Variants in NCOA1 observed in about 807,000 individuals in gnomAD.
NCOA1 encodes nuclear receptor coactivator 1.
A neutral mutation model predicts 150.9 loss-of-function variants in NCOA1; 35 were observed. The observed-to-expected ratio is 0.23, with a 90% CI of 0.18 to 0.31. The LOEUF (loss-of-function observed/expected upper bound fraction) is 0.31. NCOA1 is among the 10% of genes least tolerant of loss of function. The pLI is 1.00. For missense variants in NCOA1, 1,491 were observed against 1,749.3 expected (o/e 0.85, Z 2.63); for synonymous variants, 590 against 630.0 (o/e 0.94, Z 0.95).
At chr2:24,504,543 G>A (rs1322870465) in intron 1 of NCOA1, among the ~76,000 whole-genome samples, 1 of 152,160 alleles carries the variant, frequency 6.6e-6, no homozygotes, top group Non-Finnish European at 1.5e-5. Flanking sequence ...AGTTATTGAA[G>A]AAAAGAAGAA....
chr2:24,705,179 A>G lies in NCOA1; in HGVS notation c.1043A>G (p.Tyr348Cys). Reference sequence around the variant, plus strand: ...GCCCACACCAAGTGTAAACTTTGCTACCCTCAAAGTCCAGACATGCAACCT... The same window carrying G: ...GCCCACACCAAGTGTAAACTTTGCTGCCCTCAAAGTCCAGACATGCAACCT... ...LSAHTKCKLC[Y>C]PQSPDMQPFI... Residue 348 changes from tyrosine to cysteine, a missense_variant, in exon 12 of 23, where the codon TAC becomes TGC. Physicochemically the swap from Tyr to Cys is radical, Grantham distance 194. Coordinates refer to ENST00000348332, the MANE Select transcript of NCOA1 (RefSeq NM_003743.5). The G allele has an allele frequency of 1.2e-6, 2 of 1,613,872 alleles. No homozygotes were observed. Among genetic ancestry groups the G allele is most frequent in the South Asian group, 1.1e-5 (1 of 91,084 alleles).
chr2:24,561,932 ATACCT>A (rs1189242120), intron 1 of NCOA1, among the ~76,000 whole-genome samples: 1 of 152,212 alleles, frequency 6.6e-6, no homozygotes, highest in Non-Finnish European at 1.5e-5. Flanking sequence ...GATGATGAGA[ATACCT>A]TAATGTTGCT....
At chr2:24,521,736 A>G (rs1280608443) in intron 1 of NCOA1, among the ~76,000 whole-genome samples, 2 of 152,110 alleles carry the variant, frequency 1.3e-5, no homozygotes, top group Non-Finnish European at 2.9e-5. Context: ...ATTTCCTCTG[A>G]TGTATACCCA....
At chr2:24,546,226 C>T (rs1057363771) in intron 1 of NCOA1, among the ~76,000 whole-genome samples, 8 of 151,172 alleles carry the variant, frequency 5.3e-5, no homozygotes, top group Admixed American at 5.3e-4. Flanking sequence ...AAAAAGCTCA[C>T]TTAATGCAAA....
rs934905159 is a variant in NCOA1 at position 24,769,676 on chromosome 2, T to G, written c.*1285T>G. 9.3e-6 allele frequency: 2 copies of G among 215,774 alleles called. No homozygotes were observed. The highest frequency in any genetic ancestry group is 1.9e-5 in the Non-Finnish European group (2 of 106,814). The allele number at this position is 215,774 out of a possible 1,614,324, so 13.4% of individuals were successfully genotyped here. On this transcript the variant is annotated 3_prime_UTR_variant, in exon 23 of 23. Transcript: ENST00000348332. Reference sequence around the variant, plus strand: ...TTCTCTATCCTGCTCTGAGGCTAATTGGTACCATATTTTCCCTTTGTGTCT... The same window carrying G: ...TTCTCTATCCTGCTCTGAGGCTAATGGGTACCATATTTTCCCTTTGTGTCT...
intron 14 of NCOA1, among the ~76,000 whole-genome samples, chr2:24,723,273 A>G (rs912334201): frequency 5.3e-5 from 8 of 152,160 alleles, no homozygotes; most frequent in Non-Finnish European, 8.8e-5. Flanking sequence ...GTCATTCTGT[A>G]TCAGTGCATA....
intron 4 of NCOA1, among the ~76,000 whole-genome samples, chr2:24,653,846 T>C (rs1284064002): frequency 6.6e-6 from 1 of 152,184 alleles, no homozygotes; most frequent in African/African-American, 2.4e-5. Flanking sequence ...TAGCCAACTC[T>C]TTTCTTTTGA....
chr2:24,649,059 G>T (rs1670601974), intron 4 of NCOA1, among the ~76,000 whole-genome samples: 1 of 151,860 alleles, frequency 6.6e-6, no homozygotes, highest in Non-Finnish European at 1.5e-5. Flanking sequence ...GTAAAAAGAG[G>T]CAGACATTTA....
intron 1 of NCOA1, among the ~76,000 whole-genome samples, chr2:24,497,516 A>G (rs1371471302): frequency 6.6e-6 from 1 of 152,146 alleles, no homozygotes; most frequent in Non-Finnish European, 1.5e-5. Flanking sequence ...TACTAAAAAT[A>G]CAAAAAATAG....
chr2:24,529,722 T>G (rs1042288752), intron 1 of NCOA1, among the ~76,000 whole-genome samples: 5 of 152,190 alleles, frequency 3.3e-5, no homozygotes, highest in Non-Finnish European at 7.4e-5. Context: ...TCCATAAGAA[T>G]ATTTGAGAGA....
intron 1 of NCOA1, among the ~76,000 whole-genome samples, chr2:24,553,721 A>G (rs1665961122): frequency 6.6e-6 from 1 of 152,194 alleles, no homozygotes; most frequent in Non-Finnish European, 1.5e-5. Context: ...TATGTTCATC[A>G]AAGTATGATG....
At chr2:24,516,984 G>GTATATATACGTGTATATATACA (rs1558758676) in intron 1 of NCOA1, among the ~76,000 whole-genome samples, 1 of 48,536 alleles carries the variant, frequency 2.1e-5, no homozygotes, top group African/African-American at 4.3e-5. Flanking sequence ...ACACATATAC[G>GTATATATACGTGTATATATACA]TATATATATA....
intron 2 of NCOA1, among the ~76,000 whole-genome samples, chr2:24,576,376 G>T (rs1425334057): frequency 2.0e-5 from 3 of 151,830 alleles, no homozygotes; most frequent in Non-Finnish European, 4.4e-5. Context: ...CAATCTTTGT[G>T]ACCTCAACTC....
intron 1 of NCOA1, among the ~76,000 whole-genome samples, chr2:24,526,595 T>C (rs1454725176): frequency 6.6e-6 from 1 of 152,196 alleles, no homozygotes; most frequent in Non-Finnish European, 1.5e-5. Context: ...TTCATACTGT[T>C]CTTCATTCTT....
At chr2:24,764,668 G>T (rs887670794) in intron 22 of NCOA1, among the ~76,000 whole-genome samples, 3 of 152,236 alleles carry the variant, frequency 2.0e-5, no homozygotes, top group African/African-American at 7.2e-5. Flanking sequence ...TGGTAAAGTG[G>T]CTTGGGGCAA....
chr2:24,576,163 GTTTTTTGTTTTTT>G (rs1666963846), intron 2 of NCOA1, among the ~76,000 whole-genome samples: 21 of 92,710 alleles, frequency 2.3e-4, no homozygotes, highest in African/African-American at 7.8e-4. Context: ...TTTTTTTTTT[GTTTTTTGTTTTTT>G]TTTTTTTTTT....
At chr2:24,709,480 G>A (rs1206759672) in intron 13 of NCOA1, among the ~76,000 whole-genome samples, 2 of 152,106 alleles carry the variant, frequency 1.3e-5, no homozygotes, top group African/African-American at 4.8e-5. Context: ...AAATTGCCTA[G>A]TCTAGTCTCG....
chr2:24,520,917 T>TCTTTAGCCAAAGTAGCAA, intron 1 of NCOA1, among the ~76,000 whole-genome samples: 2 of 151,974 alleles, frequency 1.3e-5, no homozygotes, highest in South Asian at 4.2e-4. Context: ...CCTTGCTCAT[T>TCTTTAGCCAAAGTAGCAA]CTTTGCTGTT....
At chr2:24,713,652 C>T (rs1442130080) in intron 14 of NCOA1, among the ~76,000 whole-genome samples, 1 of 152,116 alleles carries the variant, frequency 6.6e-6, no homozygotes, top group Non-Finnish European at 1.5e-5. Flanking sequence ...TTCTTGTAAG[C>T]CAATAGATAA....
Sources: gnomAD v4.1 joint callset for allele counts (sites outside exome capture counted in the v4.1 genomes callset) on GRCh38, gnomAD v4.1.1 for gene constraint, MANE v1.5 for transcripts, NCBI Gene and HGNC (gene_info 2026-07-23, HGNC 2026-07-21) for gene names.